COL21A1: variants seen among roughly 807,000 people sequenced by gnomAD.
The protein encoded by COL21A1 is collagen type XXI alpha 1 chain, also known as collagen alpha-1(XXI) chain.
Under a neutral mutation model 137.9 loss-of-function variants are expected in COL21A1, and 149 were observed. The observed-to-expected ratio is 1.08, with a 90% CI of 0.95 to 1.24. The LOEUF (loss-of-function observed/expected upper bound fraction) is 1.24, where lower values mean the gene tolerates loss of function less well. COL21A1 is among the 50% of genes most tolerant of loss of function. The pLI, the probability that COL21A1 is intolerant of heterozygous loss-of-function variation, is 0.00. For missense variants in COL21A1, 1,167 were observed against 1,158.4 expected (o/e 1.01, Z -0.11); for synonymous variants, 456 against 391.5 (o/e 1.16, Z -1.95).
At chr6:56,094,599 C>T (rs1304730003) in intron 17 of COL21A1, among the ~76,000 whole-genome samples, 1 of 152,172 alleles carries the variant, frequency 6.6e-6, no homozygotes, top group East Asian at 1.9e-4. Flanking sequence ...TACTTAGGTA[C>T]TTACTCCCGG....
chr6:56,264,905 T>A (rs927455369), intron 1 of COL21A1, among the ~76,000 whole-genome samples: 5 of 152,050 alleles, frequency 3.3e-5, no homozygotes, highest in Non-Finnish European at 5.9e-5. Context: ...TGCTCAGGAG[T>A]CTTCATAGTT....
In COL21A1 at chr6:56,064,634, A is replaced by C; in HGVS notation, c.2128-12T>G. 1 of 1,563,084 alleles carries C rather than the reference A, an allele frequency of 6.4e-7. No homozygotes were observed. The highest frequency in any genetic ancestry group is 8.7e-7 in the Non-Finnish European group (1 of 1,150,178). On this transcript the variant is annotated splice_polypyrimidine_tract_variant and intron_variant, in intron 23 of 29. Coordinates refer to ENST00000244728, the MANE Select transcript of COL21A1 (RefSeq NM_030820.4). ...TCTCCCTTTTGACCCTTTAAAATAA[A>C]AAAAAACATTATTGATTAGTTTGCA...
chr6:56,281,839 G>A (rs1007134043), intron 1 of COL21A1, among the ~76,000 whole-genome samples: 5 of 152,118 alleles, frequency 3.3e-5, no homozygotes, highest in Admixed American at 1.3e-4. Flanking sequence ...AAGAGATAAA[G>A]CCTATAATTA....
At chr6:56,279,465 A>AT (rs1239828044) in intron 1 of COL21A1, among the ~76,000 whole-genome samples, 1 of 152,206 alleles carries the variant, frequency 6.6e-6, no homozygotes, top group African/African-American at 2.4e-5. Flanking sequence ...GGAATTGCTG[A>AT]TAGCAACAGC....
At chr6:56,158,305 C>T (rs1469350688) in intron 9 of COL21A1, among the ~76,000 whole-genome samples, 1 of 83,574 alleles carries the variant, frequency 1.2e-5, no homozygotes, top group African/African-American at 4.9e-5. Flanking sequence ...TGGGGTCTTG[C>T]TTTGTCACCC....
chr6:56,132,423 A>C (rs1773629865), intron 12 of COL21A1, among the ~76,000 whole-genome samples: 2 of 152,268 alleles, frequency 1.3e-5, no homozygotes, highest in African/African-American at 2.4e-5. Context: ...TATAAAGAAT[A>C]ATGAGGAAGG....
chr6:56,355,403 T>C (rs1765806920), intron 1 of COL21A1, among the ~76,000 whole-genome samples: 1 of 150,456 alleles, frequency 6.6e-6, no homozygotes, highest in African/African-American at 2.4e-5. Context: ...AGTGAGGAAA[T>C]TACAAGGAAA....
At chr6:56,348,182 C>A (rs1236032305) in intron 1 of COL21A1, among the ~76,000 whole-genome samples, 5 of 152,050 alleles carry the variant, frequency 3.3e-5, no homozygotes, top group Non-Finnish European at 5.9e-5. Context: ...GTAGGAAGGG[C>A]ACAATGGAGA....
In COL21A1 at chr6:56,179,964, G is replaced by C. The variant is rs1301668074; in HGVS notation, c.254C>G (p.Pro85Arg). The C allele has an allele frequency of 6.2e-7, 1 of 1,613,928 alleles. No homozygotes were observed. Among genetic ancestry groups the C allele is most frequent in the South Asian group, 1.1e-5 (1 of 91,084 alleles). The change falls in exon 3 of 30, where the codon CCT becomes CGT. Residue 85 changes from proline (P) to arginine (R), a missense_variant. Pro to Arg is a moderately radical substitution (Grantham distance 103). Transcript: ENST00000244728. Reference sequence around the variant, plus strand: ...GCTTCCGAGAGGAATCTCCAGCACAGGGTAGTCACTATATTGAACCACTCC... The same window carrying C: ...GCTTCCGAGAGGAATCTCCAGCACACGGTAGTCACTATATTGAACCACTCC... ...QVGVVQYSDYPVLEIPLGSYD... is the reference protein window; with the variant it reads ...QVGVVQYSDYRVLEIPLGSYD...
Position 56,209,188 on chromosome 6 carries a change from C to T in COL21A1, c.-38-26532G>A, listed in dbSNP as rs145862508. ...AACAATAAAAATCCTAGAATAAAAC[C>T]TTGGCAATACCATTCAGGACTTAGG... On this transcript the variant is annotated intron_variant, in intron 1 of 29. Coordinates refer to ENST00000244728, the MANE Select transcript of COL21A1 (RefSeq NM_030820.4). Among the ~76,000 whole-genome samples the T allele has an allele frequency of 5.4e-3, 824 of 152,226 alleles. 8 individuals carry two copies. The highest frequency in any genetic ancestry group is 0.018 in the African/African-American group (746 of 41,534).
At chr6:56,060,387 G>A in intron 27 of COL21A1, 169 bp from the exon 28 acceptor site, 1 of 631,432 alleles carries the variant, frequency 1.6e-6, no homozygotes. Flanking sequence ...AATATTCATT[G>A]CTCTGTGCGG....
At chr6:56,298,443 G>T (rs1764207671) in intron 1 of COL21A1, among the ~76,000 whole-genome samples, 1 of 152,058 alleles carries the variant, frequency 6.6e-6, no homozygotes, top group African/African-American at 2.4e-5. Flanking sequence ...ACAGTGGGAT[G>T]GTTGAGGATG....
intron 1 of COL21A1, among the ~76,000 whole-genome samples, chr6:56,393,774 G>C (rs1261375668): frequency 2.0e-5 from 3 of 152,166 alleles, no homozygotes; most frequent in African/African-American, 4.8e-5. Context: ...AGTCCCCAGA[G>C]GGATAAACTG....
At chr6:56,235,115 T>C (rs910328185) in intron 1 of COL21A1, among the ~76,000 whole-genome samples, 1 of 151,892 alleles carries the variant, frequency 6.6e-6, no homozygotes, top group African/African-American at 2.4e-5. Flanking sequence ...GGCTTATAGA[T>C]TAATGTTCAG....
At chr6:56,262,464 A>G (rs529435121) in intron 1 of COL21A1, among the ~76,000 whole-genome samples, 2 of 152,282 alleles carry the variant, frequency 1.3e-5, no homozygotes, top group African/African-American at 2.4e-5. Flanking sequence ...AGCCAAAAGC[A>G]TAATACTAGC....
chr6:56,166,600 G>A (rs1424100605), intron 7 of COL21A1, among the ~76,000 whole-genome samples: 3 of 152,066 alleles, frequency 2.0e-5, no homozygotes, highest in South Asian at 2.1e-4. Context: ...GCAGTGACCC[G>A]AGATTGCGCC....
At chr6:56,268,725 G>A (rs559841763) in intron 1 of COL21A1, among the ~76,000 whole-genome samples, 1 of 152,264 alleles carries the variant, frequency 6.6e-6, no homozygotes, top group East Asian at 1.9e-4. Context: ...ATTCAAAAAG[G>A]CAAAGTGTTC....
At position 56,148,792 on chromosome 6, in the gene COL21A1, T is replaced by C. The variant is rs937911463; in HGVS notation, c.1435-6809A>G. Among the ~76,000 whole-genome samples the C allele has an allele frequency of 2.6e-5, 4 of 152,318 alleles. 1 individual carries two copies. Among genetic ancestry groups the C allele is most frequent in the African/African-American group, 2.4e-5 (1 of 41,576 alleles). On this transcript the variant is annotated intron_variant, in intron 10 of 29. Transcript: ENST00000244728. ...TATACTCTATCACCATTCTTGAATA[T>C]TTCAAAGTAGCATCTCTTGTTTGGA...
rs369271903 is a variant in COL21A1, at chr6:56,386,317, C to T, written c.-39+7654G>A. 3.4e-4 allele frequency among the ~76,000 whole-genome samples: 52 copies of T among 152,264 alleles called. 1 individual carries two copies. Among genetic ancestry groups the T allele is most frequent in the East Asian group, 2.1e-3 (11 of 5,182 alleles). On this transcript the variant is annotated intron_variant, in intron 1 of 28. Coordinates refer to the COL21A1 transcript ENST00000370819. ...GAAACATTATGTTTATCCATTCATT[C>T]GTTGATGAACATTTGGGTTGTTTCC...
Sources: allele counts gnomAD v4.1 joint callset (sites outside exome capture counted in the v4.1 genomes callset), GRCh38; gene constraint gnomAD v4.1.1; transcripts MANE v1.5; gene names NCBI Gene and HGNC (gene_info 2026-07-23, HGNC 2026-07-21).